The following KCNK10 variants were observed in gnomAD, a reference collection of about 807,000 sequenced individuals.
The protein encoded by KCNK10 is potassium two pore domain channel subfamily K member 10.
KCNK10 carries 25 observed loss-of-function variants against 47.7 expected under a neutral mutation model. That is an observed-to-expected ratio of 0.52 (90% CI 0.38 to 0.73). The LOEUF (loss-of-function observed/expected upper bound fraction) is 0.73. Ranked by LOEUF, KCNK10 falls within the 30% of genes least tolerant of loss-of-function variation. The pLI is 0.00. For synonymous variants in KCNK10, 303 were observed against 285.6 expected (o/e 1.06, Z -0.61); for missense variants, 563 against 714.5 (o/e 0.79, Z 2.42).
chr14:88,203,493 C>T (rs1595078677), intron 4 of KCNK10, among the ~76,000 whole-genome samples: 1 of 152,194 alleles, frequency 6.6e-6, no homozygotes, highest in East Asian at 1.9e-4. Flanking sequence ...CTGGAACAGG[C>T]CTGGAATTCT....
In KCNK10 at chr14:88,209,389, C is replaced by T. The variant is rs1258123464; in HGVS notation, c.682-16979G>A. Among the ~76,000 whole-genome samples the T allele has an allele frequency of 4.6e-5, 7 of 152,162 alleles. No homozygotes were observed. The South Asian group carries it at 1.0e-3, about 23-fold the overall frequency. On this transcript the variant is annotated intron_variant, in intron 4 of 6. Coordinates refer to ENST00000319231, the MANE Select transcript of KCNK10 (RefSeq NM_138317.3). ...TGGTAAGATCACATGAGCACATCTG[C>T]GTGAACACTTGCAGCCAGTGAAGTG...
intron 4 of KCNK10, among the ~76,000 whole-genome samples, chr14:88,219,269 C>T (rs1595087327): frequency 6.6e-6 from 1 of 152,210 alleles, no homozygotes; most frequent in Admixed American, 6.5e-5. Flanking sequence ...AACAATTTTA[C>T]CATCCACTAC....
chr14:88,267,254 C>A (rs767000266), intron 1 of KCNK10, among the ~76,000 whole-genome samples: 9 of 152,178 alleles, frequency 5.9e-5, no homozygotes, highest in Non-Finnish European at 1.0e-4. Flanking sequence ...GTTACAAAAC[C>A]TTTTGTGCAT....
intron 4 of KCNK10, among the ~76,000 whole-genome samples, chr14:88,197,668 T>C (rs999200451): frequency 7.2e-6 from 1 of 138,982 alleles, no homozygotes; most frequent in African/African-American, 2.7e-5. Flanking sequence ...TTTTCTATTC[T>C]AAAAAACTGG....
intron 2 of KCNK10, among the ~76,000 whole-genome samples, chr14:88,255,503 G>A (rs184226026): frequency 5.4e-5 from 8 of 149,022 alleles, no homozygotes; most frequent in East Asian, 2.0e-4. Context: ...AGACCAGCAC[G>A]AGCAACACAG....
rs1252656191 is a variant in KCNK10, at chr14:88,182,075, C to G, written c.*3460G>C. The G allele has an allele frequency of 6.5e-6, 1 of 154,882 alleles. No homozygotes were observed. The highest frequency in any genetic ancestry group is 1.4e-5 in the Non-Finnish European group (1 of 70,814). The allele number at this position is 154,882 out of a possible 1,614,324, so 9.6% of individuals were successfully genotyped here. On this transcript the variant is annotated 3_prime_UTR_variant, in exon 7 of 7. Transcript: ENST00000319231. ...ACACACACACACACACACACACACA[C>G]ACACACACACTCTATACAGCCCTGC...
intron 5 of KCNK10, 79 bp from the exon 6 acceptor site, chr14:88,188,188 T>G: frequency 2.0e-6 from 3 of 1,481,126 alleles, no homozygotes; most frequent in Non-Finnish European, 2.8e-6. Flanking sequence ...TTCCATGTAG[T>G]GAAGACGTCA....
chr14:88,198,285 G>A (rs1292676502), intron 4 of KCNK10, among the ~76,000 whole-genome samples: 1 of 152,168 alleles, frequency 6.6e-6, no homozygotes, highest in Non-Finnish European at 1.5e-5. Context: ...GTTGAAGCAT[G>A]AAAGAAAGCC....
chr14:88,295,528 C>T (rs112818888), intron 1 of KCNK10, among the ~76,000 whole-genome samples: 2,236 of 152,044 alleles, frequency 0.015, 63 homozygotes, highest in African/African-American at 0.052. Flanking sequence ...GGCGTGGTGG[C>T]GGGCACCTGT....
intron 1 of KCNK10, among the ~76,000 whole-genome samples, chr14:88,320,004 C>A (rs1181982901): frequency 1.3e-5 from 2 of 152,192 alleles, no homozygotes; most frequent in African/African-American, 4.8e-5. Flanking sequence ...AGATATGCCA[C>A]CTCACTCCTC....
chr14:88,325,812 G>A (rs1302406259), upstream of KCNK10, among the ~76,000 whole-genome samples: 4 of 152,094 alleles, frequency 2.6e-5, no homozygotes, highest in African/African-American at 9.7e-5. Flanking sequence ...AACATCATTC[G>A]GCCAATCAAC....
At chr14:88,243,488 A>AC (rs1467391569) in intron 2 of KCNK10, among the ~76,000 whole-genome samples, 1 of 152,120 alleles carries the variant, frequency 6.6e-6, no homozygotes, top group African/African-American at 2.4e-5. Flanking sequence ...CCCTACTCCC[A>AC]TCTTCACCTC....
intron 4 of KCNK10, among the ~76,000 whole-genome samples, chr14:88,209,172 G>A (rs61975832): frequency 0.22 from 33,098 of 152,134 alleles, 4,687 homozygotes; most frequent in Non-Finnish European, 0.31. Flanking sequence ...GCTTCTTTTC[G>A]GAGGAAACTT....
At chr14:88,264,637 C>G (rs540956869) in intron 1 of KCNK10, among the ~76,000 whole-genome samples, 7 of 152,314 alleles carry the variant, frequency 4.6e-5, no homozygotes, top group Non-Finnish European at 8.8e-5. Context: ...AAACATCTGC[C>G]TCTCCTCCTA....
intron 5 of KCNK10, among the ~76,000 whole-genome samples, chr14:88,191,340 A>ACACACACACAC (rs1884741258): frequency 1.3e-5 from 2 of 149,962 alleles, no homozygotes; most frequent in African/African-American, 4.9e-5. Context: ...TGGTAAAGGA[A>ACACACACACAC]ACACACACAC....
chr14:88,281,727 C>CATATATAT (rs10541410), intron 1 of KCNK10, among the ~76,000 whole-genome samples: 8 of 141,750 alleles, frequency 5.6e-5, no homozygotes, highest in South Asian at 4.6e-4. Context: ...TCTCTCTCTC[C>CATATATAT]ATATATATAT....
intron 4 of KCNK10, among the ~76,000 whole-genome samples, chr14:88,207,516 G>C (rs996923215): frequency 6.6e-6 from 1 of 152,172 alleles, no homozygotes; most frequent in Non-Finnish European, 1.5e-5. Context: ...GATTGTGCAG[G>C]ATTAGGAGAG....
chr14:88,189,514 A>C (rs1262120929), intron 5 of KCNK10, among the ~76,000 whole-genome samples: 1 of 152,162 alleles, frequency 6.6e-6, no homozygotes, highest in African/African-American at 2.4e-5. Context: ...TTACCCAGCA[A>C]AGATGGTCAC....
intron 4 of KCNK10, among the ~76,000 whole-genome samples, chr14:88,208,545 G>C (rs1334839746): frequency 6.6e-6 from 1 of 152,216 alleles, no homozygotes; most frequent in African/African-American, 2.4e-5. Flanking sequence ...ATGCCAGAAA[G>C]AAAGTGGTAA....
Sources: allele counts gnomAD v4.1 joint callset (sites outside exome capture counted in the v4.1 genomes callset), GRCh38; gene constraint gnomAD v4.1.1; transcripts MANE v1.5; gene names NCBI Gene and HGNC (gene_info 2026-07-23, HGNC 2026-07-21).